Variants in MBD5 observed in about 807,000 individuals in gnomAD.
MBD5 encodes the protein methyl-CpG-binding domain protein 5.
In MBD5, 13 loss-of-function variants were observed where a neutral mutation model predicts 117.3. The observed-to-expected ratio is 0.11, with a 90% CI of 0.07 to 0.18. The LOEUF (loss-of-function observed/expected upper bound fraction) is 0.18, where lower values mean the gene tolerates loss of function less well. MBD5 is among the 10% of genes least tolerant of loss of function. MBD5 has a pLI of 1.00. For missense variants in MBD5, 1,879 were observed against 2,093.8 expected (o/e 0.90, Z 2.00); for synonymous variants, 727 against 766.4 (o/e 0.95, Z 0.85).
chr2:148,462,404 A>G (rs1349697840), intron 5 of MBD5, among the ~76,000 whole-genome samples, 178 bp from the exon 6 acceptor site: 2 of 152,198 alleles, frequency 1.3e-5, no homozygotes, highest in Non-Finnish European at 2.9e-5. Context: ...GTTCAAAAGA[A>G]AACACAATAT....
chr2:148,070,212 C>G (rs542763115), intron 1 of MBD5, among the ~76,000 whole-genome samples: 2 of 152,180 alleles, frequency 1.3e-5, no homozygotes, highest in Non-Finnish European at 2.9e-5. Flanking sequence ...GTTTCTCTTT[C>G]TGTTCCTGGC....
intron 3 of MBD5, among the ~76,000 whole-genome samples, chr2:148,301,203 C>G (rs1701770404): frequency 6.6e-6 from 1 of 152,092 alleles, no homozygotes; most frequent in Non-Finnish European, 1.5e-5. Context: ...GGAAAGAAAA[C>G]ACATTCTAGG....
intron 2 of MBD5, among the ~76,000 whole-genome samples, chr2:148,201,174 G>C (rs948252840): frequency 1.3e-5 from 2 of 152,128 alleles, no homozygotes; most frequent in Non-Finnish European, 2.9e-5. Context: ...TGGATCCCAC[G>C]GCTCCTGCAA....
chr2:148,210,374 A>G (rs1699392242), intron 2 of MBD5, among the ~76,000 whole-genome samples: 1 of 152,092 alleles, frequency 6.6e-6, no homozygotes, highest in Non-Finnish European at 1.5e-5. Flanking sequence ...CCTCAAACAT[A>G]CCTCATTTAT....
In MBD5 at chr2:148,458,687, C is replaced by T; in HGVS notation, c.-72C>T. 1.5e-6 allele frequency: 2 copies of T among 1,336,120 alleles called. No individual in the cohort carries two copies. Among genetic ancestry groups the T allele is most frequent in the Admixed American group, 3.4e-5 (2 of 59,086 alleles). The allele number at this position is 1,336,120 out of a possible 1,614,324, so 82.8% of individuals were successfully genotyped here. ...GCTGCACTGGCCCACTTTTGAAGGC[C>T]ATCATGCTCTGTAATATAAGGATAT... On this transcript the variant is annotated 5_prime_UTR_variant, in exon 5 of 14. Transcript: ENST00000642680.
chr2:148,294,501 G>GTTTTTTTTTTTTTGTTTTTTTTT (rs761709621), intron 3 of MBD5, among the ~76,000 whole-genome samples: 5 of 113,216 alleles, frequency 4.4e-5, no homozygotes, highest in African/African-American at 7.3e-5. Context: ...TGGGATTACA[G>GTTTTTTTTTTTTTGTTTTTTTTT]TTTTTTTTTT....
intron 2 of MBD5, among the ~76,000 whole-genome samples, chr2:148,188,716 AAAG>A (rs1162729928): frequency 8.5e-5 from 13 of 152,076 alleles, no homozygotes; most frequent in African/African-American, 3.1e-4. Flanking sequence ...AATCATTTCA[AAAG>A]AAGACAACAT....
chr2:148,424,177 CAAAAAAAAAAAAAAAAAAAAAAAAAAA>C (rs56740583), intron 4 of MBD5, among the ~76,000 whole-genome samples: 2 of 53,442 alleles, frequency 3.7e-5, no homozygotes, highest in Non-Finnish European at 8.6e-5. Context: ...GACTCTGTCT[CAAAAAAAAAAAAAAAAAAAAAAAAAAA>C]AAAAAAAAAA....
At chr2:148,316,988 A>C (rs1011582425) in intron 3 of MBD5, among the ~76,000 whole-genome samples, 3 of 152,204 alleles carry the variant, frequency 2.0e-5, no homozygotes, top group African/African-American at 7.2e-5. Context: ...GAAAAGCATC[A>C]GGGTACTTGA....
intron 11 of MBD5, among the ~76,000 whole-genome samples, chr2:148,497,858 C>T (rs2105192978): frequency 6.6e-6 from 1 of 151,796 alleles, no homozygotes; most frequent in South Asian, 2.1e-4. Context: ...ATTTTACATA[C>T]CACCAGTGGC....
chr2:148,496,709 G>A (rs997794226), intron 11 of MBD5, among the ~76,000 whole-genome samples: 7 of 152,096 alleles, frequency 4.6e-5, no homozygotes, highest in Non-Finnish European at 7.4e-5. Flanking sequence ...ATTTACCCCC[G>A]TCCTGTAATG....
chr2:148,036,464 T>C (rs1694197782), intron 1 of MBD5, among the ~76,000 whole-genome samples: 2 of 152,126 alleles, frequency 1.3e-5, no homozygotes, highest in Non-Finnish European at 2.9e-5. Flanking sequence ...TATATCCTCT[T>C]ACTTAAGGTT....
intron 4 of MBD5, among the ~76,000 whole-genome samples, chr2:148,367,630 A>G (rs1324034081): frequency 6.6e-6 from 1 of 152,232 alleles, no homozygotes; most frequent in Non-Finnish European, 1.5e-5. Context: ...TAAATTTACA[A>G]GAAAAAAACA....
intron 4 of MBD5, among the ~76,000 whole-genome samples, chr2:148,451,160 C>G (rs901868975): frequency 6.6e-6 from 1 of 152,040 alleles, no homozygotes; most frequent in Non-Finnish European, 1.5e-5. Flanking sequence ...TGTACAACTA[C>G]ATAAAACAAA....
chr2:148,396,965 C>T (rs1257955553), intron 4 of MBD5, among the ~76,000 whole-genome samples: 1 of 152,180 alleles, frequency 6.6e-6, no homozygotes, highest in African/African-American at 2.4e-5. Flanking sequence ...AGGACCCTGA[C>T]TCATATAACA....
At chr2:148,273,375 G>C (rs1162032276) in intron 3 of MBD5, among the ~76,000 whole-genome samples, 1 of 152,132 alleles carries the variant, frequency 6.6e-6, no homozygotes, top group Non-Finnish European at 1.5e-5. Context: ...TGGTTCACGA[G>C]TCATGTAGCT....
intron 3 of MBD5, among the ~76,000 whole-genome samples, chr2:148,309,891 C>G (rs554675344): frequency 1.3e-5 from 2 of 152,224 alleles, no homozygotes; most frequent in East Asian, 3.9e-4. Context: ...TTATCAAAGG[C>G]CTTTTCTGCA....
chr2:148,329,110 A>G (rs1702561302), intron 3 of MBD5, among the ~76,000 whole-genome samples: 1 of 152,222 alleles, frequency 6.6e-6, no homozygotes, highest in African/African-American at 2.4e-5. Flanking sequence ...TCATTAGCTG[A>G]TTATCTGACC....
intron 2 of MBD5, among the ~76,000 whole-genome samples, chr2:148,198,910 AG>A (rs1449582246): frequency 6.6e-6 from 1 of 151,902 alleles, no homozygotes; most frequent in Admixed American, 6.6e-5. Flanking sequence ...GAGAAACAGT[AG>A]GGGGGAATAT....
Sources: allele counts gnomAD v4.1 joint callset (sites outside exome capture counted in the v4.1 genomes callset), GRCh38; gene constraint gnomAD v4.1.1; transcripts MANE v1.5; gene names NCBI Gene and HGNC (gene_info 2026-07-23, HGNC 2026-07-21).